Variants in MIS18A observed in about 807,000 individuals in gnomAD.
MIS18A encodes the protein protein Mis18-alpha.
Under a neutral mutation model 25.0 loss-of-function variants are expected in MIS18A, and 14 were observed. That is an observed-to-expected ratio of 0.56 (90% CI 0.37 to 0.88). MIS18A has a LOEUF of 0.88. Ranked by LOEUF, MIS18A falls within the 40% of genes least tolerant of loss-of-function variation. MIS18A has a pLI of 0.00. For synonymous variants in MIS18A, 134 were observed against 118.6 expected, an observed-to-expected ratio of 1.13 and a Z score of -0.84; for missense variants, 292 against 290.8, an observed-to-expected ratio of 1.00 and a Z score of -0.03.
the MIS18A span, among the ~76,000 whole-genome samples, chr21:32,160,313 CACACACACACACACACACAT>C: frequency 6.6e-6 from 1 of 151,370 alleles, no homozygotes; most frequent in African/African-American, 2.4e-5. Flanking sequence ...CACACACACA[CACACACACACACACACACAT>C]ACACCATTTC....
chr21:32,206,873 C>T, the MIS18A span, among the ~76,000 whole-genome samples: 29 of 152,318 alleles, frequency 1.9e-4, no homozygotes, highest in African/African-American at 6.7e-4. Flanking sequence ...CCAGCACCCA[C>T]ACTACACCTG....
At chr21:32,193,140 T>C in the MIS18A span, among the ~76,000 whole-genome samples, 1 of 152,192 alleles carries the variant, frequency 6.6e-6, no homozygotes, top group Non-Finnish European at 1.5e-5. Flanking sequence ...TCCCTTGCGC[T>C]CTGTCCCCTA....
chr21:32,184,435 C>CA, the MIS18A span, among the ~76,000 whole-genome samples: 8 of 152,228 alleles, frequency 5.3e-5, no homozygotes, highest in African/African-American at 1.9e-4. Flanking sequence ...ACCCAGGTTA[C>CA]ATGGGCTCCT....
At chr21:32,205,253 T>C in the MIS18A span, among the ~76,000 whole-genome samples, 8 of 151,728 alleles carry the variant, frequency 5.3e-5, no homozygotes, top group Admixed American at 2.6e-4. Flanking sequence ...TACAGGCGCC[T>C]GCCACCACGC....
At chr21:32,234,358 A>G in the MIS18A span, among the ~76,000 whole-genome samples, 3 of 152,126 alleles carry the variant, frequency 2.0e-5, no homozygotes, top group African/African-American at 7.2e-5. Context: ...CTTTGATCCC[A>G]TGAGCTCCCT....
At chr21:32,211,466 G>A in the MIS18A span, among the ~76,000 whole-genome samples, 2 of 152,338 alleles carry the variant, frequency 1.3e-5, no homozygotes, top group South Asian at 2.1e-4. Context: ...CCTGCCAGCT[G>A]TATTACTTAA....
the MIS18A span, among the ~76,000 whole-genome samples, chr21:32,211,628 T>C: frequency 2.0e-4 from 31 of 152,322 alleles, 2 homozygotes; most frequent in African/African-American, 7.2e-4. Flanking sequence ...ATCCTAGGCA[T>C]GCAACCCATG....
At chr21:32,158,460 A>C in the MIS18A span, among the ~76,000 whole-genome samples, 4 of 146,156 alleles carry the variant, frequency 2.7e-5, no homozygotes, top group South Asian at 4.3e-4. Context: ...ATCTCTAGAA[A>C]GATTATTATG....
At chr21:32,242,741 T>C in the MIS18A span, among the ~76,000 whole-genome samples, 1 of 152,214 alleles carries the variant, frequency 6.6e-6, no homozygotes, top group Non-Finnish European at 1.5e-5. Flanking sequence ...TCCCTATCCC[T>C]GCCCTCCAGA....
chr21:32,278,186 G>A (rs1209964213), intron 1 of MIS18A: 2 of 154,748 alleles, frequency 1.3e-5, no homozygotes, highest in Non-Finnish European at 2.9e-5. Context: ...TGGGGTTGTT[G>A]GTGCTTTTAT....
chr21:32,192,935 C>T, the MIS18A span, among the ~76,000 whole-genome samples: 59 of 152,134 alleles, frequency 3.9e-4, no homozygotes, highest in Admixed American at 3.9e-3. Flanking sequence ...ACCGTTATCC[C>T]CATCTCTTGT....
At chr21:32,239,715 G>A in the MIS18A span, among the ~76,000 whole-genome samples, 6 of 152,118 alleles carry the variant, frequency 3.9e-5, no homozygotes, top group South Asian at 2.1e-4. Context: ...AAAACAGAAC[G>A]GGAAAAGGGC....
the MIS18A span, among the ~76,000 whole-genome samples, chr21:32,252,009 C>T: frequency 4.6e-5 from 7 of 152,052 alleles, no homozygotes; most frequent in African/African-American, 7.2e-5. Flanking sequence ...ATAGCAAGAC[C>T]CTGTCTCTAC....
the MIS18A span, among the ~76,000 whole-genome samples, chr21:32,162,356 G>A: frequency 9.6e-3 from 1,456 of 152,256 alleles, 23 homozygotes; most frequent in African/African-American, 0.031. Context: ...CCTAATGGGC[G>A]CGCTGCGTCG....
intron 2 of MIS18A, among the ~76,000 whole-genome samples, chr21:32,271,311 C>T (rs1450298060): frequency 6.6e-6 from 1 of 152,054 alleles, no homozygotes; most frequent in Admixed American, 6.5e-5. Context: ...AAACATACAC[C>T]ACAAACGATT....
At chr21:32,171,825 G>A in the MIS18A span, among the ~76,000 whole-genome samples, 1 of 151,946 alleles carries the variant, frequency 6.6e-6, no homozygotes, top group African/African-American at 2.4e-5. Flanking sequence ...AGAAAACATT[G>A]TTGAAACAAA....
chr21:32,270,324 A>T, intron 3 of MIS18A, 83 bp downstream of exon 3: 1 of 1,479,396 alleles, frequency 6.8e-7, no homozygotes. Flanking sequence ...TTAACCAAAC[A>T]GTATTGATTT....
At chr21:32,246,101 G>A in the MIS18A span, among the ~76,000 whole-genome samples, 6 of 152,260 alleles carry the variant, frequency 3.9e-5, no homozygotes, top group African/African-American at 7.2e-5. Context: ...AAACGGACTC[G>A]CTCTGGTGAG....
the MIS18A span, among the ~76,000 whole-genome samples, chr21:32,181,553 G>A: frequency 2.6e-5 from 4 of 152,104 alleles, no homozygotes; most frequent in Non-Finnish European, 4.4e-5. Flanking sequence ...CATGGGTCTT[G>A]GAGATAAGGT....
Sources: gnomAD v4.1 joint callset for allele counts (sites outside exome capture counted in the v4.1 genomes callset) on GRCh38, gnomAD v4.1.1 for gene constraint, MANE v1.5 for transcripts, NCBI Gene and HGNC (gene_info 2026-07-23, HGNC 2026-07-21) for gene names.